ADK: variants seen among roughly 807,000 people sequenced by gnomAD.
The protein encoded by ADK is N6,N6-dimethyladenosine kinase.
A neutral mutation model predicts 44.7 loss-of-function variants in ADK; 24 were observed. The observed-to-expected ratio is 0.54, with a 90% CI of 0.39 to 0.76. The LOEUF (loss-of-function observed/expected upper bound fraction) is 0.76, where lower values mean the gene tolerates loss of function less well. ADK is among the 30% of genes least tolerant of loss of function. The pLI is 0.00. For missense variants in ADK, 321 were observed against 425.1 expected, an observed-to-expected ratio of 0.76 and a Z score of 2.15; for synonymous variants, 128 against 142.6, an observed-to-expected ratio of 0.90 and a Z score of 0.73.
chr10:74,401,811 A>G (rs907151637), intron 6 of ADK, among the ~76,000 whole-genome samples: 2 of 152,138 alleles, frequency 1.3e-5, no homozygotes, highest in African/African-American at 2.4e-5. Flanking sequence ...TTTGCTCGTT[A>G]GTTGATGCAG....
chr10:74,498,326 T>G (rs1042833725), intron 6 of ADK, among the ~76,000 whole-genome samples: 1 of 152,236 alleles, frequency 6.6e-6, no homozygotes, highest in African/African-American at 2.4e-5. Flanking sequence ...CATGATAAAT[T>G]GTTTAATTTT....
intron 9 of ADK, among the ~76,000 whole-genome samples, chr10:74,648,376 A>T (rs1244015942): frequency 1.3e-5 from 2 of 152,192 alleles, no homozygotes; most frequent in African/African-American, 4.8e-5. Context: ...CTCTTCTTTC[A>T]TTCATGAAAG....
intron 2 of ADK, among the ~76,000 whole-genome samples, chr10:74,210,165 A>G (rs749890681): frequency 1.1e-4 from 17 of 152,106 alleles, no homozygotes; most frequent in Non-Finnish European, 2.9e-5. Context: ...CCCCATCTCT[A>G]TTGAAAATAA....
intron 6 of ADK, among the ~76,000 whole-genome samples, chr10:74,514,552 T>A (rs1202015385): frequency 6.6e-6 from 1 of 152,098 alleles, no homozygotes; most frequent in East Asian, 1.9e-4. Context: ...CTCTTTATTG[T>A]ATTTTTTATT....
chr10:74,450,030 G>T (rs1845717156), intron 6 of ADK, among the ~76,000 whole-genome samples: 1 of 152,136 alleles, frequency 6.6e-6, no homozygotes, highest in Admixed American at 6.5e-5. Flanking sequence ...TCAGGGCCAG[G>T]CACATTGTCT....
chr10:74,180,535 T>C (rs1056688722), intron 1 of ADK, among the ~76,000 whole-genome samples: 3 of 148,664 alleles, frequency 2.0e-5, no homozygotes, highest in African/African-American at 7.5e-5. Context: ...TCCGGCTCAC[T>C]TGAAGCTCCG....
chr10:74,425,890 G>A (rs1352100081), intron 6 of ADK, among the ~76,000 whole-genome samples: 2 of 152,060 alleles, frequency 1.3e-5, no homozygotes, highest in East Asian at 3.8e-4. Context: ...CTGTGTTAGG[G>A]TACCTATTTA....
intron 3 of ADK, among the ~76,000 whole-genome samples, chr10:74,276,325 G>A (rs1371801532): frequency 6.6e-6 from 1 of 152,152 alleles, no homozygotes; most frequent in Non-Finnish European, 1.5e-5. Flanking sequence ...CATATTCCCA[G>A]TAAAGCTCTC....
At chr10:74,269,156 C>T (rs540205826) in intron 3 of ADK, among the ~76,000 whole-genome samples, 9 of 151,950 alleles carry the variant, frequency 5.9e-5, no homozygotes, top group African/African-American at 2.2e-4. Context: ...TTTTCCCCAC[C>T]AACTATAACA....
chr10:74,205,285 G>GA (rs1457795606), intron 2 of ADK, among the ~76,000 whole-genome samples: 3 of 152,088 alleles, frequency 2.0e-5, no homozygotes, highest in Non-Finnish European at 4.4e-5. Flanking sequence ...AATTCATAAT[G>GA]AAAGTTGAAA....
At chr10:74,353,737 G>A (rs1308598004) in intron 4 of ADK, among the ~76,000 whole-genome samples, 2 of 151,890 alleles carry the variant, frequency 1.3e-5, no homozygotes, top group African/African-American at 2.4e-5. Context: ...GCGTGGTGGC[G>A]GGCATCTGTA....
At chr10:74,552,627 A>T (rs1359555411) in intron 7 of ADK, among the ~76,000 whole-genome samples, 3 of 150,708 alleles carry the variant, frequency 2.0e-5, no homozygotes, top group Non-Finnish European at 4.4e-5. Flanking sequence ...TTTTTTAAGG[A>T]TACCATTAAG....
At chr10:74,662,970 T>A (rs895793985) in intron 9 of ADK, among the ~76,000 whole-genome samples, 1 of 152,168 alleles carries the variant, frequency 6.6e-6, no homozygotes, top group Non-Finnish European at 1.5e-5. Flanking sequence ...AGCGCATGCC[T>A]GTAATCCCAG....
At chr10:74,632,370 G>T (rs1204080514) in intron 9 of ADK, among the ~76,000 whole-genome samples, 1 of 152,128 alleles carries the variant, frequency 6.6e-6, no homozygotes, top group African/African-American at 2.4e-5. Context: ...ACCACAAAGT[G>T]AGTGGCTTAA....
intron 1 of ADK, among the ~76,000 whole-genome samples, chr10:74,182,265 G>T (rs115094262): frequency 0.012 from 1,806 of 151,982 alleles, 47 homozygotes; most frequent in African/African-American, 0.039. Flanking sequence ...TTATGCTGTG[G>T]GATGTTTTTA....
intron 9 of ADK, among the ~76,000 whole-genome samples, chr10:74,621,937 A>T (rs533787726): frequency 1.6e-4 from 25 of 152,090 alleles, no homozygotes; most frequent in South Asian, 1.5e-3. Flanking sequence ...TTTTTATGAG[A>T]TCCCTACTCA....
In ADK at chr10:74,693,408, G is replaced by T. The variant is rs571916408; in HGVS notation, c.965-14913G>T. On this transcript the variant is annotated intron_variant, in intron 10 of 10. Transcript: ENST00000539909. ...ACTGACATCTTGGGTGTGTATGATG[G>T]TCTGTGTTTCCCAGTGTCATCAATT... 2.0e-4 allele frequency among the ~76,000 whole-genome samples: 31 copies of T among 152,254 alleles called. 1 individual carries two copies. In the South Asian group the frequency reaches 6.2e-3, roughly 31 times the overall value.
rs551729795 is a variant in ADK at position 74,696,664 on chromosome 10, C to A, written c.965-11657C>A. 3.9e-5 allele frequency among the ~76,000 whole-genome samples: 6 copies of A among 152,234 alleles called. No individual in the cohort carries two copies. In the South Asian group the frequency reaches 1.2e-3, roughly 32 times the overall value. ...GGATTACAGGCATGAGTCACCATGC[C>A]CAGCCCTCATTATTATTTTTAATGG... is the stretch of plus-strand genomic sequence containing the variant. On this transcript the variant is annotated intron_variant, in intron 10 of 10. Transcript: ENST00000539909.
chr10:74,430,738 A>T (rs1458868407), intron 6 of ADK, among the ~76,000 whole-genome samples: 1 of 152,104 alleles, frequency 6.6e-6, no homozygotes. Flanking sequence ...TTAAGTTGAC[A>T]TTCAGAAGAG....
Sources: gnomAD v4.1 joint callset for allele counts (sites outside exome capture counted in the v4.1 genomes callset) on GRCh38, gnomAD v4.1.1 for gene constraint, MANE v1.5 for transcripts, NCBI Gene and HGNC (gene_info 2026-07-23, HGNC 2026-07-21) for gene names.